The following NRCAM variants were observed in gnomAD, a reference collection of about 807,000 sequenced individuals.
The protein encoded by NRCAM is neuronal cell adhesion molecule.
A neutral mutation model predicts 156.5 loss-of-function variants in NRCAM; 83 were observed. The ratio of observed to expected loss-of-function variants is 0.53; its 90% CI spans 0.44 to 0.64. The LOEUF (loss-of-function observed/expected upper bound fraction) is 0.64, where lower values mean the gene tolerates loss of function less well. NRCAM is among the 30% of genes least tolerant of loss of function. NRCAM has a pLI of 0.00. For synonymous variants in NRCAM, 538 were observed against 563.9 expected (o/e 0.95, Z 0.65); for missense variants, 1,417 against 1,597.3 (o/e 0.89, Z 1.92).
chr7:108,416,134 A>T (rs1801263932), intron 1 of NRCAM, among the ~76,000 whole-genome samples: 1 of 152,246 alleles, frequency 6.6e-6, no homozygotes, highest in African/African-American at 2.4e-5. Flanking sequence ...ATGTGAGCCC[A>T]TCCCTCCAGA....
chr7:108,417,767 T>C (rs146603821), intron 1 of NRCAM, among the ~76,000 whole-genome samples: 1 of 152,300 alleles, frequency 6.6e-6, no homozygotes, highest in African/African-American at 2.4e-5. Context: ...TTTCACTCTC[T>C]TTCTTTTTTC....
chr7:108,260,689 T>C (rs2096857627), intron 3 of NRCAM, among the ~76,000 whole-genome samples: 1 of 151,122 alleles, frequency 6.6e-6, no homozygotes, highest in Non-Finnish European at 1.5e-5. Flanking sequence ...AACATGGGAG[T>C]GTTGGGTGGG....
Position 108,162,629 on chromosome 7 carries a change from T to C in NRCAM, c.3467-2137A>G, listed in dbSNP as rs571554842. Reference sequence around the variant, plus strand: ...CTGGCAGTTTGCTGCTATGCAACCATGGAAAAACTGGATGGATGTTTGATG... The same window carrying C: ...CTGGCAGTTTGCTGCTATGCAACCACGGAAAAACTGGATGGATGTTTGATG... On this transcript the variant is annotated intron_variant, in intron 30 of 32. Transcript: ENST00000379028. Among the ~76,000 whole-genome samples, 14 of 152,318 alleles carry C rather than the reference T, an allele frequency of 9.2e-5. No homozygotes were observed. The South Asian group carries it at 2.7e-3, about 29-fold the overall frequency.
rs2060409252 is a variant in NRCAM at position 108,176,141 on chromosome 7, G to C, written c.3151+289C>G. ...ATATAATATATAAAGTTGTAAACAG[G>C]AAACAACATTCCCCTGAACTTCAAA... On this transcript the variant is annotated intron_variant, in intron 27 of 32. Coordinates refer to ENST00000379028, the MANE Select transcript of NRCAM (RefSeq NM_001037132.4). 2.6e-5 allele frequency among the ~76,000 whole-genome samples: 4 copies of C among 152,146 alleles called. No homozygotes were observed. In the South Asian group the frequency reaches 8.3e-4, roughly 32 times the overall value.
chr7:108,418,560 T>TATACACAC (rs1250839690), intron 1 of NRCAM, among the ~76,000 whole-genome samples: 13 of 143,732 alleles, frequency 9.0e-5, no homozygotes, highest in African/African-American at 2.6e-4. Flanking sequence ...ATACATATTA[T>TATACACAC]ACACACACAC....
chr7:108,215,505 G>A (rs542635219), intron 11 of NRCAM, among the ~76,000 whole-genome samples: 11 of 152,068 alleles, frequency 7.2e-5, no homozygotes, highest in South Asian at 2.1e-4. Flanking sequence ...ATGAGCCACC[G>A]CGCCTGGCCA....
rs1459416772 is a variant in NRCAM at position 108,148,525 on chromosome 7, T to C, written c.*1385A>G. 1 of 152,692 alleles carries C rather than the reference T, an allele frequency of 6.5e-6. No homozygotes were observed. The highest frequency in any genetic ancestry group is 2.4e-5 in the African/African-American group (1 of 41,482). The allele number at this position is 152,692 out of a possible 1,614,324, so 9.5% of individuals were successfully genotyped here. On this transcript the variant is annotated 3_prime_UTR_variant, in exon 33 of 33. Transcript: ENST00000379028. ...ATTTGGAGGTAACCCATTTGATAGA[T>C]ATTGTTTATGAATACGATAGAATAT... is the stretch of plus-strand genomic sequence containing the variant.
intron 12 of NRCAM, among the ~76,000 whole-genome samples, chr7:108,208,142 A>G (rs1270164057): frequency 1.1e-4 from 1 of 8,718 alleles, no homozygotes; most frequent in Non-Finnish European, 2.1e-4. Flanking sequence ...AAAAATACAA[A>G]AAAAAAAAAA....
intron 1 of NRCAM, among the ~76,000 whole-genome samples, chr7:108,415,631 A>T (rs1336682903): frequency 6.6e-6 from 1 of 152,232 alleles, no homozygotes; most frequent in African/African-American, 2.4e-5. Flanking sequence ...CCTGTATCCC[A>T]GCACTTTGGG....
chr7:108,331,868 C>G (rs762669274), intron 2 of NRCAM, among the ~76,000 whole-genome samples: 6 of 152,156 alleles, frequency 3.9e-5, no homozygotes, highest in Non-Finnish European at 8.8e-5. Context: ...ATAAGTTCTC[C>G]TAGCACAGAA....
intron 1 of NRCAM, among the ~76,000 whole-genome samples, chr7:108,413,551 C>G (rs1219308974): frequency 1.3e-5 from 2 of 151,902 alleles, no homozygotes; most frequent in Admixed American, 6.6e-5. Flanking sequence ...CCAGGAAGCC[C>G]TCCTTGATTA....
chr7:108,173,505 T>C (rs2059321246), intron 28 of NRCAM, among the ~76,000 whole-genome samples: 1 of 152,068 alleles, frequency 6.6e-6, no homozygotes, highest in Non-Finnish European at 1.5e-5. Flanking sequence ...ATTTTCAGAT[T>C]GAAAAAAAGA....
intron 5 of NRCAM, 38 bp from the exon 6 acceptor site, chr7:108,234,726 T>C (rs1269633): frequency 0.83 from 1,145,151 of 1,378,296 alleles, 477,700 homozygotes; most frequent in East Asian, 0.99. Context: ...AAAAACAAAT[T>C]ATTTAAAATC....
intron 1 of NRCAM, among the ~76,000 whole-genome samples, chr7:108,412,760 C>T (rs533605304): frequency 1.3e-5 from 2 of 152,230 alleles, no homozygotes; most frequent in Admixed American, 6.5e-5. Context: ...ATGAAATCAG[C>T]TTTTTAAAGA....
chr7:108,187,252 C>A (rs914892276), intron 20 of NRCAM, among the ~76,000 whole-genome samples: 1 of 152,192 alleles, frequency 6.6e-6, no homozygotes, highest in Non-Finnish European at 1.5e-5. Flanking sequence ...GGACCTTGCA[C>A]AATTCCCACT....
intron 11 of NRCAM, among the ~76,000 whole-genome samples, chr7:108,219,139 A>G (rs1278989168): frequency 1.3e-5 from 2 of 152,092 alleles, no homozygotes; most frequent in African/African-American, 4.8e-5. Context: ...GAAAAATACA[A>G]CCCTCCTAGC....
intron 2 of NRCAM, among the ~76,000 whole-genome samples, chr7:108,371,038 G>T (rs1275610771): frequency 6.6e-6 from 1 of 152,060 alleles, no homozygotes; most frequent in African/African-American, 2.4e-5. Context: ...TAGAATAACA[G>T]AAATGACCTG....
chr7:108,197,154 C>A (rs1290742817), intron 14 of NRCAM, among the ~76,000 whole-genome samples: 1 of 152,114 alleles, frequency 6.6e-6, no homozygotes, highest in African/African-American at 2.4e-5. Context: ...AATGTAAAAT[C>A]TAAAAATGCT....
At chr7:108,443,436 C>T (rs1214315928) in intron 1 of NRCAM, among the ~76,000 whole-genome samples, 2 of 152,190 alleles carry the variant, frequency 1.3e-5, no homozygotes, top group Non-Finnish European at 2.9e-5. Context: ...GACAGTGGTG[C>T]TGCCTGATTA....
Sources: allele counts gnomAD v4.1 joint callset (sites outside exome capture counted in the v4.1 genomes callset), GRCh38; gene constraint gnomAD v4.1.1; transcripts MANE v1.5; gene names NCBI Gene and HGNC (gene_info 2026-07-23, HGNC 2026-07-21).